The following HS2ST1 variants were observed in gnomAD, a reference collection of about 807,000 sequenced individuals.
HS2ST1 encodes the protein 2-O-sulfotransferase.
A neutral mutation model predicts 42.9 loss-of-function variants in HS2ST1; 18 were observed. The ratio of observed to expected loss-of-function variants is 0.42; its 90% CI spans 0.29 to 0.62. The LOEUF is 0.62. Among genes scored for constraint, HS2ST1 ranks in the 20% least tolerant of loss-of-function variants. HS2ST1 has a pLI of 0.21. For missense variants in HS2ST1, 334 were observed against 433.8 expected (o/e 0.77, Z 2.04); for synonymous variants, 146 against 152.9 (o/e 0.95, Z 0.33).
At chr1:86,927,925 T>A (rs1447270305) in intron 1 of HS2ST1, among the ~76,000 whole-genome samples, 1 of 152,134 alleles carries the variant, frequency 6.6e-6, no homozygotes, top group Non-Finnish European at 1.5e-5. Context: ...CTTAAGTTGG[T>A]AGTCTGAGTC....
At chr1:86,974,177 G>C (rs1238772165) in intron 1 of HS2ST1, among the ~76,000 whole-genome samples, 1 of 152,158 alleles carries the variant, frequency 6.6e-6, no homozygotes, top group African/African-American at 2.4e-5. Context: ...CAGAATGGGG[G>C]CTGGTCACCA....
chr1:87,020,266 G>C lies in HS2ST1; in HGVS notation c.125-52668G>C, dbSNP rs563059056. 2.0e-5 allele frequency among the ~76,000 whole-genome samples: 3 copies of C among 152,276 alleles called. No individual in the cohort carries two copies. In the South Asian group the frequency reaches 6.2e-4, roughly 32 times the overall value. On this transcript the variant is annotated intron_variant, in intron 1 of 6. Transcript: ENST00000370550. ...AAGCAGATTAAAATGATGGCTCCTG[G>C]AGTGTCAGGTGTTAGTAATTCCAAG...
chr1:86,943,966 G>A (rs1245347141), intron 1 of HS2ST1, among the ~76,000 whole-genome samples: 1 of 152,056 alleles, frequency 6.6e-6, no homozygotes, highest in Non-Finnish European at 1.5e-5. Context: ...GTGGAGGTTT[G>A]CAGTGAGCCA....
intron 1 of HS2ST1, among the ~76,000 whole-genome samples, chr1:86,923,633 T>C (rs908216590): frequency 1.5e-4 from 23 of 152,188 alleles, no homozygotes; most frequent in African/African-American, 5.3e-4. Flanking sequence ...CCTGACCTCA[T>C]GATCCACCCA....
intron 1 of HS2ST1, among the ~76,000 whole-genome samples, chr1:87,056,983 A>G (rs1480380449): frequency 1.3e-5 from 2 of 152,224 alleles, no homozygotes; most frequent in East Asian, 3.8e-4. Flanking sequence ...AACTGTATCT[A>G]TATGAGTCTG....
At chr1:86,979,814 A>T (rs1490092793) in intron 1 of HS2ST1, among the ~76,000 whole-genome samples, 1 of 152,196 alleles carries the variant, frequency 6.6e-6, no homozygotes, top group Non-Finnish European at 1.5e-5. Context: ...ATAGTTTTAC[A>T]TTTCCACCAG....
At chr1:86,963,354 G>A (rs1163046876) in intron 1 of HS2ST1, among the ~76,000 whole-genome samples, 2 of 152,206 alleles carry the variant, frequency 1.3e-5, no homozygotes, top group African/African-American at 4.8e-5. Flanking sequence ...AGGGAGTGGT[G>A]ATGACTCCTA....
chr1:87,079,984 G>A (rs1651644427), intron 2 of HS2ST1, among the ~76,000 whole-genome samples: 1 of 152,102 alleles, frequency 6.6e-6, no homozygotes, highest in South Asian at 2.1e-4. Context: ...GGAGTTAGAG[G>A]TTACAGTGAG....
intron 1 of HS2ST1, among the ~76,000 whole-genome samples, chr1:86,976,852 C>A (rs1259357431): frequency 2.0e-5 from 3 of 151,196 alleles, no homozygotes; most frequent in African/African-American, 7.3e-5. Context: ...CAGAGGACCC[C>A]TTGAGGCCAG....
chr1:86,924,168 A>T (rs779989841), intron 1 of HS2ST1, among the ~76,000 whole-genome samples: 1 of 152,242 alleles, frequency 6.6e-6, no homozygotes, highest in Admixed American at 6.5e-5. Flanking sequence ...TTAAACCTTC[A>T]AAATGATATC....
chr1:86,977,953 G>A (rs1648470068), intron 1 of HS2ST1, among the ~76,000 whole-genome samples: 1 of 152,148 alleles, frequency 6.6e-6, no homozygotes, highest in African/African-American at 2.4e-5. Context: ...ATATACAATG[G>A]TGGTCCCATA....
At chr1:86,920,898 C>G (rs1660278253) in intron 1 of HS2ST1, among the ~76,000 whole-genome samples, 1 of 152,072 alleles carries the variant, frequency 6.6e-6, no homozygotes, top group Non-Finnish European at 1.5e-5. Flanking sequence ...GAAGCTTTCC[C>G]TCATTCTCCT....
intron 1 of HS2ST1, among the ~76,000 whole-genome samples, chr1:86,964,508 C>T (rs972387432): frequency 1.3e-5 from 2 of 152,214 alleles, no homozygotes; most frequent in Non-Finnish European, 2.9e-5. Context: ...CGTGGCGGCA[C>T]GCGCCTGCAA....
intron 1 of HS2ST1, among the ~76,000 whole-genome samples, chr1:86,969,671 C>T (rs12125030): frequency 0.029 from 4,416 of 151,662 alleles, 94 homozygotes; most frequent in Non-Finnish European, 0.042. Flanking sequence ...AACTTGTTTA[C>T]TGACAAGACT....
At chr1:87,037,895 T>G (rs1008534162) in intron 1 of HS2ST1, among the ~76,000 whole-genome samples, 3 of 152,022 alleles carry the variant, frequency 2.0e-5, no homozygotes, top group African/African-American at 7.2e-5. Flanking sequence ...AGATTTTAGA[T>G]TGTCTGCAGT....
intron 1 of HS2ST1, chr1:87,045,647 T>G: frequency 1.3e-6 from 1 of 774,622 alleles, no homozygotes; most frequent in Admixed American, 1.7e-5. Flanking sequence ...TCTTCAATCT[T>G]TCCAATACTG....
rs917258017 is a variant in HS2ST1 at position 86,995,565 on chromosome 1, G to T, written c.125-77369G>T. On this transcript the variant is annotated intron_variant, in intron 1 of 6. Coordinates refer to ENST00000370550, the MANE Select transcript of HS2ST1 (RefSeq NM_012262.4). ...GTATGTTTGTCTAAAGAGAGGAAATGAAATTTTTTTTCTTTTTTCTATGCA... is the reference window on the plus strand; with the variant it reads ...GTATGTTTGTCTAAAGAGAGGAAATTAAATTTTTTTTCTTTTTTCTATGCA... Among the ~76,000 whole-genome samples the T allele has an allele frequency of 2.0e-5, 3 of 152,298 alleles. No individual in the cohort carries two copies. The East Asian group carries it at 5.8e-4, about 29-fold the overall frequency.
intron 1 of HS2ST1, among the ~76,000 whole-genome samples, chr1:86,988,932 C>T (rs191129996): frequency 1.5e-3 from 226 of 152,332 alleles, no homozygotes; most frequent in Non-Finnish European, 1.6e-3. Flanking sequence ...GATTGGAATA[C>T]TTCGGATTTC....
chr1:86,923,668 T>C (rs945526295), intron 1 of HS2ST1, among the ~76,000 whole-genome samples: 4 of 152,212 alleles, frequency 2.6e-5, no homozygotes, highest in African/African-American at 9.7e-5. Context: ...AGTGCTGGGA[T>C]TACAGGTGTG....
Sources: gnomAD v4.1 joint callset for allele counts (sites outside exome capture counted in the v4.1 genomes callset) on GRCh38, gnomAD v4.1.1 for gene constraint, MANE v1.5 for transcripts, NCBI Gene and HGNC (gene_info 2026-07-23, HGNC 2026-07-21) for gene names.